LUC7L3: variants seen among roughly 807,000 people sequenced by gnomAD.
LUC7L3 encodes luc7-like protein 3.
Under a neutral mutation model 66.8 loss-of-function variants are expected in LUC7L3, and 6 were observed. The observed-to-expected ratio is 0.09, with a 90% CI of 0.05 to 0.18. LUC7L3 has a LOEUF of 0.18. Among genes scored for constraint, LUC7L3 ranks in the 10% least tolerant of loss-of-function variants. The pLI is 1.00. For missense variants in LUC7L3, 341 were observed against 531.1 expected, an observed-to-expected ratio of 0.64 and a Z score of 3.52; for synonymous variants, 160 against 174.7, an observed-to-expected ratio of 0.92 and a Z score of 0.66.
chr17:50,738,530 A>G (rs1970140853), intron 2 of LUC7L3, among the ~76,000 whole-genome samples: 1 of 152,206 alleles, frequency 6.6e-6, no homozygotes, highest in Non-Finnish European at 1.5e-5. Flanking sequence ...TTCTTCAGCA[A>G]TAATACGATG....
chr17:50,732,036 C>T (rs545336033), intron 1 of LUC7L3, among the ~76,000 whole-genome samples: 1 of 152,146 alleles, frequency 6.6e-6, no homozygotes, highest in African/African-American at 2.4e-5. Flanking sequence ...GACAAGATGT[C>T]ATATCCCCAG....
intron 7 of LUC7L3, among the ~76,000 whole-genome samples, chr17:50,745,075 C>T (rs112944005): frequency 0.085 from 12,884 of 152,168 alleles, 692 homozygotes; most frequent in Middle Eastern, 0.16. Flanking sequence ...CCGCAACCTC[C>T]ACCTCTGGGG....
intron 1 of LUC7L3, among the ~76,000 whole-genome samples, chr17:50,731,646 TA>T (rs1353592654): frequency 6.6e-6 from 1 of 152,216 alleles, no homozygotes; most frequent in Non-Finnish European, 1.5e-5. Flanking sequence ...AATTCTGATG[TA>T]CCATTAAATG....
intron 1 of LUC7L3, among the ~76,000 whole-genome samples, chr17:50,726,497 T>G (rs1306030118): frequency 6.6e-6 from 1 of 152,118 alleles, no homozygotes; most frequent in East Asian, 1.9e-4. Flanking sequence ...GACCTTTGAA[T>G]AACGCCCTGA....
At chr17:50,730,118 G>A (rs1008469904) in intron 1 of LUC7L3, among the ~76,000 whole-genome samples, 6 of 151,082 alleles carry the variant, frequency 4.0e-5, no homozygotes, top group Admixed American at 1.3e-4. Context: ...TGGGACTATA[G>A]GCCCGCACCA....
At chr17:50,732,766 G>A in intron 1 of LUC7L3, among the ~76,000 whole-genome samples, 1 of 151,972 alleles carries the variant, frequency 6.6e-6, no homozygotes, top group East Asian at 1.9e-4. Flanking sequence ...TAGACAGGTT[G>A]CGTTCTGTCA....
In LUC7L3 at chr17:50,720,761, T is replaced by C. The variant is rs550770151; in HGVS notation, c.99+930T>C. ...GAATAGTTCAGGTAATGCATGCTTC[T>C]TTAGAAAACTGTTTTCTTACTCTTT... On this transcript the variant is annotated intron_variant, in intron 1 of 9. Transcript: ENST00000505658. Among the ~76,000 whole-genome samples, 8 of 152,344 alleles carry C rather than the reference T, an allele frequency of 5.3e-5. No individual in the cohort carries two copies. The South Asian group carries it at 1.4e-3, about 28-fold the overall frequency.
chr17:50,729,942 A>ATATATATG (rs1969472661), intron 1 of LUC7L3, among the ~76,000 whole-genome samples: 3 of 30,820 alleles, frequency 9.7e-5, no homozygotes, highest in African/African-American at 2.3e-4. Flanking sequence ...ATATATATAT[A>ATATATATG]TATGTATGTA....
intron 9 of LUC7L3, among the ~76,000 whole-genome samples, chr17:50,748,820 A>G (rs1046680381): frequency 1.3e-5 from 2 of 152,112 alleles, no homozygotes; most frequent in African/African-American, 4.8e-5. Flanking sequence ...ATTTATTGGC[A>G]TTTTGAAAAT....
At chr17:50,732,229 A>T (rs1443823454) in intron 1 of LUC7L3, among the ~76,000 whole-genome samples, 2 of 152,218 alleles carry the variant, frequency 1.3e-5, no homozygotes, top group Non-Finnish European at 2.9e-5. Flanking sequence ...TAGAAATCTT[A>T]GGGGCATTCC....
Position 50,743,741 on chromosome 17 carries a change from A to C in LUC7L3, c.462A>C (p.Glu154Asp), listed in dbSNP as rs775694182. 2 of 1,613,836 alleles carry C rather than the reference A, an allele frequency of 1.2e-6. No homozygotes were observed. Among genetic ancestry groups the C allele is most frequent in the Non-Finnish European group, 1.7e-6 (2 of 1,179,776 alleles). The stretch of plus-strand genomic sequence containing the variant: ...TAGGGTCTGAAGGAAAAGTAGAAGA[A>C]GCCCAGGGGATGATGAAATTAGTTG... Reference protein sequence around the residue: ...EELGSEGKVEEAQGMMKLVEQ... With the variant: ...EELGSEGKVEDAQGMMKLVEQ... The change falls in exon 6 of 10, where the codon GAA (glutamate) becomes GAC (aspartate). Residue 154 changes from glutamate to aspartate, a missense_variant. Coordinates refer to ENST00000505658, the MANE Select transcript of LUC7L3 (RefSeq NM_016424.5).
At chr17:50,722,507 T>A (rs754202679) in intron 1 of LUC7L3, 1 of 152,384 alleles carries the variant, frequency 6.6e-6, no homozygotes, top group Non-Finnish European at 1.5e-5. Context: ...GCTCCTCTTA[T>A]GCATTCTAAA....
chr17:50,732,954 T>C (rs541251163), intron 1 of LUC7L3, among the ~76,000 whole-genome samples: 3 of 152,336 alleles, frequency 2.0e-5, no homozygotes, highest in Non-Finnish European at 4.4e-5. Flanking sequence ...TGTGTTGCAG[T>C]GTACCAATTT....
At chr17:50,742,157 C>T (rs1007165550) in intron 5 of LUC7L3, among the ~76,000 whole-genome samples, 2 of 152,008 alleles carry the variant, frequency 1.3e-5, no homozygotes, top group Non-Finnish European at 2.9e-5. Flanking sequence ...CACTATTAGT[C>T]GTTAGGGAAA....
At chr17:50,748,834 A>G (rs886873815) in intron 9 of LUC7L3, among the ~76,000 whole-genome samples, 2 of 152,114 alleles carry the variant, frequency 1.3e-5, no homozygotes, top group Non-Finnish European at 2.9e-5. Context: ...TGAAAATGCT[A>G]TGTAAAAATA....
rs750246576 is a variant in LUC7L3 at position 50,751,353 on chromosome 17, AACTAAGCAGGT to A, written c.*696_*706del. ...AAATTAAAAATCAAGGATTCAGTCA[AACTAAGCAGGT>A]ACTCATGCCAGGTACTCCTTTCTCT... On this transcript the variant is annotated 3_prime_UTR_variant, in exon 10 of 10. Transcript: ENST00000505658. 39 of 1,294,964 alleles carry A rather than the reference AACTAAGCAGGT, an allele frequency of 3.0e-5. No homozygotes were observed. The highest frequency in any genetic ancestry group is 5.0e-6 in the Non-Finnish European group (5 of 992,644). 80.2% of individuals were successfully genotyped at this position (1,294,964 alleles called of 1,614,324 possible).
rs1031097509 is a variant in LUC7L3, at chr17:50,753,026, G to T, written c.*2365G>T. 6.6e-6 allele frequency: 1 copy of T among 152,108 alleles called. No individual in the cohort carries two copies. The highest frequency in any genetic ancestry group is 1.5e-5 in the Non-Finnish European group (1 of 68,002). The allele number at this position is 152,108 out of a possible 1,614,324, so 9.4% of individuals were successfully genotyped here. On this transcript the variant is annotated 3_prime_UTR_variant, in exon 10 of 10. Coordinates refer to ENST00000505658, the MANE Select transcript of LUC7L3 (RefSeq NM_016424.5). ...GCATTCAAGAGCTAGTTTTTGTTAA[G>T]TCCTGTATCAAGATTAACCCAGCTG... is the stretch of plus-strand genomic sequence containing the variant.
At chr17:50,729,916 A>G (rs562660794) in intron 1 of LUC7L3, among the ~76,000 whole-genome samples, 2 of 85,236 alleles carry the variant, frequency 2.3e-5, no homozygotes, top group East Asian at 3.4e-4. Flanking sequence ...ATATATATAT[A>G]TATATATATA....
chr17:50,721,054 C>A (rs1968714358), intron 1 of LUC7L3, among the ~76,000 whole-genome samples: 1 of 151,708 alleles, frequency 6.6e-6, no homozygotes, highest in Non-Finnish European at 1.5e-5. Context: ...TTACCTTGAC[C>A]ATCTTTCTTT....
Sources: allele counts gnomAD v4.1 joint callset (sites outside exome capture counted in the v4.1 genomes callset), GRCh38; gene constraint gnomAD v4.1.1; transcripts MANE v1.5; gene names NCBI Gene and HGNC (gene_info 2026-07-23, HGNC 2026-07-21).